The following EPHA6 variants were observed in gnomAD, a reference collection of about 807,000 sequenced individuals.
The protein encoded by EPHA6 is ephrin type-A receptor 6.
Under a neutral mutation model 112.0 loss-of-function variants are expected in EPHA6, and 50 were observed. The ratio of observed to expected loss-of-function variants is 0.45; its 90% CI spans 0.36 to 0.56. The LOEUF (loss-of-function observed/expected upper bound fraction) is 0.56. EPHA6 is among the 20% of genes least tolerant of loss of function. EPHA6 has a pLI of 0.00. For missense variants in EPHA6, 1,280 were observed against 1,417.4 expected (o/e 0.90, Z 1.56); for synonymous variants, 529 against 490.7 (o/e 1.08, Z -1.03).
intron 11 of EPHA6, among the ~76,000 whole-genome samples, chr3:97,542,198 C>A (rs1473210230): frequency 6.6e-6 from 1 of 151,756 alleles, no homozygotes; most frequent in African/African-American, 2.4e-5. Context: ...CCCATTAACT[C>A]ATCATTTAGC....
chr3:97,447,734 T>G, intron 6 of EPHA6: 4 of 1,012,034 alleles, frequency 4.0e-6, no homozygotes, highest in Non-Finnish European at 4.7e-6. Flanking sequence ...CAGAATGCCC[T>G]GGCAAGTTCA....
intron 10 of EPHA6, among the ~76,000 whole-genome samples, chr3:97,504,277 A>C (rs771425863): frequency 2.6e-5 from 4 of 152,176 alleles, no homozygotes; most frequent in African/African-American, 4.8e-5. Flanking sequence ...CTGGACACAA[A>C]GGCTAAGGTT....
At chr3:97,697,586 G>A (rs535963525) in intron 14 of EPHA6, among the ~76,000 whole-genome samples, 13 of 152,286 alleles carry the variant, frequency 8.5e-5, no homozygotes, top group Admixed American at 4.6e-4. Context: ...TGATTTATGC[G>A]TGCAATTTCA....
At chr3:97,342,087 C>T (rs1475013251) in intron 5 of EPHA6, among the ~76,000 whole-genome samples, 1 of 152,128 alleles carries the variant, frequency 6.6e-6, no homozygotes, top group Non-Finnish European at 1.5e-5. Context: ...AACTGTGGCT[C>T]TTTCAAAAAT....
At chr3:97,695,157 ATCAG>A (rs1450142541) in intron 14 of EPHA6, among the ~76,000 whole-genome samples, 6 of 152,226 alleles carry the variant, frequency 3.9e-5, no homozygotes, top group African/African-American at 1.4e-4. Flanking sequence ...GAGATACATC[ATCAG>A]TGAGTGAATA....
At chr3:97,020,074 G>A (rs1240584023) in intron 3 of EPHA6, among the ~76,000 whole-genome samples, 2 of 152,124 alleles carry the variant, frequency 1.3e-5, no homozygotes, top group Admixed American at 6.5e-5. Flanking sequence ...TGCCAGTTCT[G>A]AGCCTATGCC....
chr3:97,059,907 G>C (rs983670113), intron 3 of EPHA6, among the ~76,000 whole-genome samples: 1 of 151,968 alleles, frequency 6.6e-6, no homozygotes, highest in Non-Finnish European at 1.5e-5. Context: ...CGGATCATGA[G>C]GTCAGGAGTT....
At chr3:97,223,078 T>C (rs1295132087) in intron 3 of EPHA6, among the ~76,000 whole-genome samples, 1 of 152,204 alleles carries the variant, frequency 6.6e-6, no homozygotes, top group Non-Finnish European at 1.5e-5. Flanking sequence ...AGAAAGAGCA[T>C]GGTAAAACCA....
intron 2 of EPHA6, among the ~76,000 whole-genome samples, chr3:96,955,653 A>G (rs2041729398): frequency 6.6e-6 from 1 of 152,222 alleles, no homozygotes; most frequent in Non-Finnish European, 1.5e-5. Flanking sequence ...AAATTTAAAC[A>G]TAAAGGTTGA....
chr3:97,586,279 G>A (rs903101750), intron 11 of EPHA6, among the ~76,000 whole-genome samples: 3 of 152,202 alleles, frequency 2.0e-5, no homozygotes, highest in African/African-American at 4.8e-5. Context: ...GCAGAGCAGC[G>A]TAGTCTGCCC....
At chr3:97,683,811 T>C (rs1398954860) in intron 14 of EPHA6, among the ~76,000 whole-genome samples, 1 of 152,116 alleles carries the variant, frequency 6.6e-6, no homozygotes, top group African/African-American at 2.4e-5. Context: ...TTTCTAGTCA[T>C]CTCACCCAGA....
intron 14 of EPHA6, among the ~76,000 whole-genome samples, chr3:97,687,972 G>A (rs2032375647): frequency 2.0e-5 from 3 of 152,176 alleles, no homozygotes; most frequent in Admixed American, 2.0e-4. Context: ...AGTGACACAT[G>A]TTGCTTCCCT....
chr3:97,024,286 G>A (rs563880743), intron 3 of EPHA6, among the ~76,000 whole-genome samples: 37 of 152,000 alleles, frequency 2.4e-4, no homozygotes, highest in African/African-American at 8.9e-4. Context: ...CCCAAATAAT[G>A]CATTGATCTC....
intron 6 of EPHA6, among the ~76,000 whole-genome samples, chr3:97,434,471 G>A (rs530681000): frequency 1.9e-4 from 29 of 152,156 alleles, no homozygotes; most frequent in African/African-American, 5.5e-4. Context: ...AAAGTCATAC[G>A]TCCTTCCAAA....
intron 2 of EPHA6, among the ~76,000 whole-genome samples, chr3:96,889,872 C>A (rs1157137436): frequency 6.6e-6 from 1 of 151,996 alleles, no homozygotes; most frequent in Non-Finnish European, 1.5e-5. Flanking sequence ...TAAAAGCAGA[C>A]CCACCATTTA....
intron 3 of EPHA6, among the ~76,000 whole-genome samples, chr3:97,186,520 T>G (rs1166167034): frequency 6.6e-6 from 1 of 152,148 alleles, no homozygotes; most frequent in Admixed American, 6.5e-5. Flanking sequence ...GCCTTTAATA[T>G]CTTTTCGCTG....
intron 14 of EPHA6, among the ~76,000 whole-genome samples, chr3:97,715,322 G>C (rs189044090): frequency 3.3e-5 from 5 of 152,290 alleles, no homozygotes; most frequent in African/African-American, 1.2e-4. Context: ...CGAGGATTAA[G>C]CCTTGCCCAA....
intron 2 of EPHA6, among the ~76,000 whole-genome samples, chr3:96,970,761 G>A (rs577930804): frequency 4.6e-5 from 7 of 152,084 alleles, no homozygotes; most frequent in African/African-American, 1.2e-4. Context: ...AAGCCTTCAT[G>A]TGGTCCAACA....
At chr3:97,585,494 C>T (rs974785899) in intron 11 of EPHA6, among the ~76,000 whole-genome samples, 2 of 152,082 alleles carry the variant, frequency 1.3e-5, no homozygotes, top group African/African-American at 4.8e-5. Flanking sequence ...TAAAGAAATA[C>T]CTCATAAAAA....
Sources: gnomAD v4.1 joint callset for allele counts (sites outside exome capture counted in the v4.1 genomes callset) on GRCh38, gnomAD v4.1.1 for gene constraint, MANE v1.5 for transcripts, NCBI Gene and HGNC (gene_info 2026-07-23, HGNC 2026-07-21) for gene names.